The following DIAPH1 variants were observed in gnomAD, a reference collection of about 807,000 sequenced individuals.
DIAPH1 encodes the protein diaphanous related formin 1.
In DIAPH1, 46 loss-of-function variants were observed where a neutral mutation model predicts 140.7. The ratio of observed to expected loss-of-function variants is 0.33; its 90% confidence interval spans 0.26 to 0.42. The LOEUF (loss-of-function observed/expected upper bound fraction) is 0.42, where lower values mean the gene tolerates loss of function less well. Ranked by LOEUF, DIAPH1 falls within the 10% of genes least tolerant of loss-of-function variation. The pLI, the probability that DIAPH1 is intolerant of heterozygous loss-of-function variation, is 1.00. For synonymous variants in DIAPH1, 565 were observed against 551.6 expected (o/e 1.02, Z -0.34); for missense variants, 1,310 against 1,558.7 (o/e 0.84, Z 2.69).
chr5:141,616,129 T>G (rs1469540119), intron 1 of DIAPH1, among the ~76,000 whole-genome samples: 6 of 152,230 alleles, frequency 3.9e-5, no homozygotes, highest in Non-Finnish European at 7.3e-5. Flanking sequence ...AGCCACTCAC[T>G]GTCAGCACGT....
intron 18 of DIAPH1, among the ~76,000 whole-genome samples, chr5:141,548,847 C>T (rs573242855): frequency 6.6e-6 from 1 of 152,132 alleles, no homozygotes; most frequent in South Asian, 2.1e-4. Flanking sequence ...AAAGTTCTAG[C>T]ATTATCTAGA....
chr5:141,558,139 G>C (rs182398947), intron 18 of DIAPH1, among the ~76,000 whole-genome samples: 101 of 152,228 alleles, frequency 6.6e-4, no homozygotes, highest in Middle Eastern at 3.4e-3. Context: ...CACAAATCTT[G>C]ATGTTGAGCT....
At chr5:141,517,048 C>A in intron 27 of DIAPH1, 40 bp from the exon 28 acceptor site, 1 of 1,611,602 alleles carries the variant, frequency 6.2e-7, no homozygotes, top group African/African-American at 1.3e-5. Flanking sequence ...TGGAAGGCCT[C>A]ATTTCTAATT....
chr5:141,552,516 T>G (rs1195878695), intron 18 of DIAPH1, among the ~76,000 whole-genome samples: 1 of 152,122 alleles, frequency 6.6e-6, no homozygotes, highest in Non-Finnish European at 1.5e-5. Context: ...CATTAGACAT[T>G]GGAAAAGGAA....
At chr5:141,605,430 A>G (rs909364271) in intron 1 of DIAPH1, among the ~76,000 whole-genome samples, 4 of 152,202 alleles carry the variant, frequency 2.6e-5, no homozygotes, top group African/African-American at 7.2e-5. Context: ...TCAAAAAAAA[A>G]GCACACACAA....
At chr5:141,517,099 A>G in intron 27 of DIAPH1, 91 bp from the exon 28 acceptor site, 1 of 1,487,292 alleles carries the variant, frequency 6.7e-7, no homozygotes, top group Non-Finnish European at 9.2e-7. Flanking sequence ...TAAGCCATGC[A>G]GACATGACTA....
rs1423145330 is a variant in DIAPH1 at position 141,583,555 on chromosome 5, C to A, written c.463G>T (p.Gly155Cys). 1 of 1,614,120 alleles carries A rather than the reference C, an allele frequency of 6.2e-7. No individual in the cohort carries two copies. The highest frequency in any genetic ancestry group is 8.5e-7 in the Non-Finnish European group (1 of 1,180,048). The change falls in exon 5 of 28, where the codon GGC (glycine) becomes TGC (cysteine). Residue 155 changes from glycine (G) to cysteine (C), a missense_variant. Around this residue, in one of 3 missense-constraint regions of DIAPH1, gnomAD observed 377 missense variants for 497.1 expected, o/e 0.76. Coordinates refer to ENST00000389054, the MANE Select transcript of DIAPH1 (RefSeq NM_005219.5). ...AMMYIQELRS[G>C]LRDMPLLSCL... ...CTGAGCAGAGGCATATCCCGCAAGC[C>A]TGACCTCAACTCCTGAATATACATC...
intron 27 of DIAPH1, 119 bp from the exon 28 acceptor site, chr5:141,517,127 A>T: frequency 6.1e-6 from 7 of 1,140,384 alleles, no homozygotes; most frequent in Non-Finnish European, 8.9e-6. Context: ...CACTTCACAG[A>T]GGCCCTTACT....
intron 18 of DIAPH1, among the ~76,000 whole-genome samples, chr5:141,562,638 T>C (rs1319404395): frequency 7.0e-6 from 1 of 142,684 alleles, no homozygotes; most frequent in South Asian, 2.3e-4. Flanking sequence ...AAAAAACAGA[T>C]AACAGAGAAG....
At chr5:141,535,307 TATGATTGAGGTAAA>T (rs1247898072) in intron 18 of DIAPH1, among the ~76,000 whole-genome samples, 1 of 152,214 alleles carries the variant, frequency 6.6e-6, no homozygotes, top group East Asian at 1.9e-4. Context: ...CTCAACTGCC[TATGATTGAGGTAAA>T]ATATACTTCT....
intron 18 of DIAPH1, among the ~76,000 whole-genome samples, chr5:141,544,448 G>T (rs2099890480): frequency 6.6e-6 from 1 of 152,096 alleles, no homozygotes; most frequent in African/African-American, 2.4e-5. Context: ...AAGATTGGGA[G>T]AAAATATCTG....
intron 1 of DIAPH1, among the ~76,000 whole-genome samples, chr5:141,608,963 C>A (rs2099901378): frequency 6.6e-6 from 1 of 152,122 alleles, no homozygotes; most frequent in East Asian, 1.9e-4. Flanking sequence ...ACAACTAAAA[C>A]TCCTGACAGG....
intron 18 of DIAPH1, among the ~76,000 whole-genome samples, chr5:141,534,786 G>A (rs947119946): frequency 6.6e-6 from 1 of 152,204 alleles, no homozygotes; most frequent in Non-Finnish European, 1.5e-5. Context: ...ACTGTAGCAT[G>A]AAAGCAGGCA....
At chr5:141,547,957 A>T (rs886517568) in intron 18 of DIAPH1, among the ~76,000 whole-genome samples, 4 of 152,204 alleles carry the variant, frequency 2.6e-5, no homozygotes, top group Non-Finnish European at 5.9e-5. Flanking sequence ...ATCCACTTTG[A>T]GAGGCTAATG....
At chr5:141,525,582 A>G (rs166116) in intron 26 of DIAPH1, among the ~76,000 whole-genome samples, 19,149 of 152,210 alleles carry the variant, frequency 0.13, 1,310 homozygotes, top group South Asian at 0.18. Context: ...CTAATTGTGC[A>G]TACAACTGTG....
At chr5:141,617,835 T>C (rs920944907) in intron 1 of DIAPH1, among the ~76,000 whole-genome samples, 22 of 152,172 alleles carry the variant, frequency 1.4e-4, no homozygotes, top group Non-Finnish European at 2.8e-4. Flanking sequence ...CACTATTCCT[T>C]CACTCGGATT....
At position 141,528,450 on chromosome 5, in the gene DIAPH1, C is replaced by T. The variant is rs374140734; in HGVS notation, c.3148+3G>A. 149 of 1,614,040 alleles carry T rather than the reference C, an allele frequency of 9.2e-5. No individual in the cohort carries two copies. Among genetic ancestry groups the T allele is most frequent in the Non-Finnish European group, 1.2e-4 (136 of 1,180,034 alleles). On this transcript the variant is annotated splice_donor_region_variant and intron_variant, in intron 23 of 27. Transcript: ENST00000389054. ...GCTCTAGCTTCATTCCAAACTGCCC[C>T]ACCTCGGCTGGCTTTCTCCACATGG...
At chr5:141,534,214 G>C (rs2099888690) in intron 19 of DIAPH1, 121 bp downstream of exon 19, 2 of 769,650 alleles carry the variant, frequency 2.6e-6, no homozygotes, top group African/African-American at 3.5e-5. Flanking sequence ...TGCAATGGTT[G>C]GTATATAGCA....
At chr5:141,578,980 AAT>A in intron 9 of DIAPH1, 106 bp downstream of exon 9, 1 of 867,294 alleles carries the variant, frequency 1.2e-6, no homozygotes. Flanking sequence ...TGAAATGTAA[AAT>A]ATATAGTTGG....
Sources: allele counts gnomAD v4.1 joint callset (sites outside exome capture counted in the v4.1 genomes callset), GRCh38; gene constraint gnomAD v4.1.1; regional missense constraint gnomAD v4.1.1; transcripts MANE v1.5; gene names NCBI Gene and HGNC (gene_info 2026-07-23, HGNC 2026-07-21).